Variants in ICA1 observed in about 807,000 individuals in gnomAD.
ICA1 encodes the protein islet cell autoantigen 1.
ICA1 carries 40 observed loss-of-function variants against 71.0 expected under a neutral mutation model. The ratio of observed to expected loss-of-function variants is 0.56; its 90% CI spans 0.44 to 0.73. The LOEUF (loss-of-function observed/expected upper bound fraction) is 0.73, where lower values mean the gene tolerates loss of function less well. Among genes scored for constraint, ICA1 ranks in the 30% least tolerant of loss-of-function variants. The probability of loss-of-function intolerance (pLI) is 0.00; values close to 1 mark genes in which losing one functional copy is unlikely to be tolerated. For missense variants in ICA1, 578 were observed against 576.5 expected (o/e 1.00, Z -0.03); for synonymous variants, 207 against 209.5 (o/e 0.99, Z 0.10).
At chr7:8,154,653 T>A (rs1333737783) in intron 8 of ICA1, among the ~76,000 whole-genome samples, 1 of 152,152 alleles carries the variant, frequency 6.6e-6, no homozygotes, top group African/African-American at 2.4e-5. Flanking sequence ...AAATGGCCAT[T>A]ATCAACACAG....
intron 6 of ICA1, among the ~76,000 whole-genome samples, chr7:8,180,253 T>G (rs1259474118): frequency 6.6e-6 from 1 of 152,170 alleles, no homozygotes; most frequent in Non-Finnish European, 1.5e-5. Context: ...TGTCTAATGT[T>G]AAACATTATA....
rs1363612307 is a variant in ICA1, at chr7:8,144,349, A to T, written c.805-377T>A. ...ATTCTGTTCTGTTCGCAGCCCACAC[A>T]CTGACAAAGTAGAAGTTCCTCCCAC... On this transcript the variant is annotated intron_variant, in intron 8 of 13. Coordinates refer to ENST00000402384, the MANE Select transcript of ICA1 (RefSeq NM_001136020.3). This position sits in a 1 kb window ranked among gnomAD's most constrained non-coding sequence, Gnocchi z 4.5. Among the ~76,000 whole-genome samples the T allele has an allele frequency of 6.6e-6, 1 of 152,220 alleles. No individual in the cohort carries two copies. Among genetic ancestry groups the T allele is most frequent in the African/African-American group, 2.4e-5 (1 of 41,468 alleles).
At chr7:8,140,267 C>A (rs866863279) in intron 10 of ICA1, among the ~76,000 whole-genome samples, 1 of 152,174 alleles carries the variant, frequency 6.6e-6, no homozygotes, top group Non-Finnish European at 1.5e-5. Flanking sequence ...GAGAGCTCTT[C>A]TGTGGCCAAC....
chr7:8,164,636 G>C (rs532455362), intron 6 of ICA1, among the ~76,000 whole-genome samples: 32 of 152,276 alleles, frequency 2.1e-4, no homozygotes, highest in South Asian at 1.7e-3. Flanking sequence ...GTCATTAACT[G>C]GATCTGTTCA....
chr7:8,150,794 C>A (rs1282295415), intron 8 of ICA1, among the ~76,000 whole-genome samples: 5 of 152,184 alleles, frequency 3.3e-5, no homozygotes, highest in South Asian at 2.1e-4. Flanking sequence ...TGAAAGTTTG[C>A]AGCTGTATTT....
intron 13 of ICA1, chr7:8,116,523 A>G (rs995002361): frequency 6.6e-6 from 1 of 152,266 alleles, no homozygotes; most frequent in Non-Finnish European, 1.5e-5. Context: ...GGAAAAGGTT[A>G]GATTCTGAAA....
In ICA1 at chr7:8,260,262, T is replaced by G. The variant is rs553223673; in HGVS notation, c.-80+1832A>C. ...TATTTAGTCAAATACCTTGAAAACG[T>G]ACTGATTTTGAAGGCTCTGAGTAAC... On this transcript the variant is annotated intron_variant, in intron 1 of 13. Coordinates refer to ENST00000402384, the MANE Select transcript of ICA1 (RefSeq NM_001136020.3). 9.8e-5 allele frequency among the ~76,000 whole-genome samples: 15 copies of G among 152,310 alleles called. No homozygotes were observed. In the South Asian group the frequency reaches 2.9e-3, roughly 29 times the overall value.
intron 12 of ICA1, among the ~76,000 whole-genome samples, chr7:8,131,250 C>A (rs1246928151): frequency 2.0e-5 from 3 of 152,196 alleles, no homozygotes; most frequent in Non-Finnish European, 2.9e-5. Context: ...CTGGATCCAG[C>A]CTTGCTTGAA....
chr7:8,192,972 C>T (rs1786214921), intron 6 of ICA1, among the ~76,000 whole-genome samples: 1 of 152,204 alleles, frequency 6.6e-6, no homozygotes, highest in African/African-American at 2.4e-5. Context: ...CTCTATTCTA[C>T]TTTACCTGCC....
chr7:8,156,170 G>T (rs747607486), intron 8 of ICA1, among the ~76,000 whole-genome samples: 8 of 152,104 alleles, frequency 5.3e-5, no homozygotes, highest in Non-Finnish European at 8.8e-5. Flanking sequence ...AAGGGCCAGG[G>T]TCTTAAAGCA....
chr7:8,239,867 G>T (rs1047979157), intron 1 of ICA1, among the ~76,000 whole-genome samples: 2 of 152,238 alleles, frequency 1.3e-5, no homozygotes, highest in African/African-American at 4.8e-5. Flanking sequence ...CATTGCTGAG[G>T]CATGAGTAGG....
chr7:8,200,310 G>A (rs1789131110), intron 6 of ICA1, among the ~76,000 whole-genome samples: 1 of 109,690 alleles, frequency 9.1e-6, no homozygotes, highest in Non-Finnish European at 1.7e-5. Flanking sequence ...GCTTCTTAAA[G>A]TCTTTGAGAA....
chr7:8,256,818 T>A (rs1810387889), intron 1 of ICA1, among the ~76,000 whole-genome samples: 1 of 152,228 alleles, frequency 6.6e-6, no homozygotes, highest in East Asian at 1.9e-4. Context: ...ATTCAGTACA[T>A]ATGTGCTGGG....
chr7:8,253,010 C>CCA (rs1808713067), intron 1 of ICA1, among the ~76,000 whole-genome samples: 1 of 152,080 alleles, frequency 6.6e-6, no homozygotes, highest in Non-Finnish European at 1.5e-5. Flanking sequence ...GCCACAGCCC[C>CCA]CACCTTATTT....
intron 6 of ICA1, among the ~76,000 whole-genome samples, chr7:8,216,142 C>T (rs187357543): frequency 9.3e-4 from 141 of 152,316 alleles, no homozygotes; most frequent in African/African-American, 3.2e-3. Flanking sequence ...GGCGGGAATG[C>T]CCTACAGGTT....
At chr7:8,198,355 A>C (rs973305358) in intron 6 of ICA1, among the ~76,000 whole-genome samples, 5 of 152,246 alleles carry the variant, frequency 3.3e-5, no homozygotes, top group African/African-American at 1.2e-4. Context: ...AAGTAGCTTG[A>C]TGTTATTGCA....
intron 6 of ICA1, among the ~76,000 whole-genome samples, chr7:8,158,911 C>T (rs1431803363): frequency 6.6e-6 from 1 of 152,204 alleles, no homozygotes; most frequent in Non-Finnish European, 1.5e-5. Context: ...ATCCTTTCTT[C>T]TCAAGGCATT....
intron 1 of ICA1, among the ~76,000 whole-genome samples, chr7:8,239,917 C>G (rs945238619): frequency 2.6e-5 from 4 of 152,216 alleles, no homozygotes; most frequent in South Asian, 4.1e-4. Flanking sequence ...GGGCGGAACC[C>G]ACTGCAGCTC....
At chr7:8,129,973 C>T (rs1221396691) in intron 12 of ICA1, among the ~76,000 whole-genome samples, 3 of 148,242 alleles carry the variant, frequency 2.0e-5, no homozygotes, top group Non-Finnish European at 3.0e-5. Flanking sequence ...TTGTCCTTGG[C>T]GATAGTTTGC....
Sources: allele counts gnomAD v4.1 joint callset (sites outside exome capture counted in the v4.1 genomes callset), GRCh38; gene constraint gnomAD v4.1.1; non-coding constraint Gnocchi (gnomAD v3.1); transcripts MANE v1.5; gene names NCBI Gene and HGNC (gene_info 2026-07-23, HGNC 2026-07-21).